SLC25A24: variants seen among roughly 807,000 people sequenced by gnomAD.
The protein encoded by SLC25A24 is solute carrier family 25 member 24.
Under a neutral mutation model 60.7 loss-of-function variants are expected in SLC25A24, and 49 were observed. The observed-to-expected ratio is 0.81, with a 90% CI of 0.64 to 1.02. The LOEUF (loss-of-function observed/expected upper bound fraction) is 1.02, where lower values mean the gene tolerates loss of function less well. Among genes scored for constraint, SLC25A24 ranks in the 50% least tolerant of loss-of-function variants. The pLI is 0.00. For synonymous variants in SLC25A24, 202 were observed against 200.6 expected, an observed-to-expected ratio of 1.01 and a Z score of -0.06; for missense variants, 564 against 586.3, an observed-to-expected ratio of 0.96 and a Z score of 0.39.
chr1:108,188,908 T>C (rs1244286538), intron 1 of SLC25A24, among the ~76,000 whole-genome samples: 1 of 152,166 alleles, frequency 6.6e-6, no homozygotes, highest in African/African-American at 2.4e-5. Flanking sequence ...GTGGTGGAAA[T>C]TTGGGCTGTA....
rs1202903222 is a variant in SLC25A24 at position 108,166,980 on chromosome 1, C to G, written c.399-5687G>C. Among the ~76,000 whole-genome samples the G allele has an allele frequency of 6.6e-5, 10 of 151,320 alleles. 1 individual carries two copies. The highest frequency in any genetic ancestry group is 1.2e-4 in the Non-Finnish European group (8 of 67,660). Reference sequence around the variant, plus strand: ...ACAGATGGGTTTTTGGTGTGGATGTCCTTTCTGTTTGTTAGTTTTCCTTCT... The same window carrying G: ...ACAGATGGGTTTTTGGTGTGGATGTGCTTTCTGTTTGTTAGTTTTCCTTCT... On this transcript the variant is annotated intron_variant, in intron 3 of 9. Coordinates refer to ENST00000565488, the MANE Select transcript of SLC25A24 (RefSeq NM_013386.5).
intron 1 of SLC25A24, among the ~76,000 whole-genome samples, chr1:108,190,528 G>A (rs1648310294): frequency 6.6e-6 from 1 of 152,172 alleles, no homozygotes; most frequent in Admixed American, 6.5e-5. Context: ...TAAATTTTGA[G>A]TCAAAGTTCT....
intron 6 of SLC25A24, among the ~76,000 whole-genome samples, chr1:108,148,799 T>C (rs910416194): frequency 6.6e-5 from 10 of 152,340 alleles, no homozygotes; most frequent in African/African-American, 2.2e-4. Flanking sequence ...CCAAGCCAAC[T>C]AGACAATCCT....
intron 8 of SLC25A24, among the ~76,000 whole-genome samples, chr1:108,140,715 C>T (rs79824950): frequency 1.3e-5 from 2 of 151,272 alleles, no homozygotes; most frequent in South Asian, 2.1e-4. Flanking sequence ...AAATAAGTTG[C>T]TATAACTTTA....
intron 4 of SLC25A24, among the ~76,000 whole-genome samples, chr1:108,158,755 C>A (rs1412137853): frequency 6.7e-6 from 1 of 150,260 alleles, no homozygotes; most frequent in Non-Finnish European, 1.5e-5. Flanking sequence ...GTAATCCCAG[C>A]ACTTTGGGAG....
chr1:108,149,477 C>CA (rs945438266), intron 6 of SLC25A24, among the ~76,000 whole-genome samples: 32 of 151,996 alleles, frequency 2.1e-4, no homozygotes, highest in Non-Finnish European at 1.8e-4. Context: ...GAAAGGATTA[C>CA]AAAAAAATAA....
At chr1:108,167,365 C>T (rs1475816086) in intron 3 of SLC25A24, among the ~76,000 whole-genome samples, 1 of 152,144 alleles carries the variant, frequency 6.6e-6, no homozygotes, top group African/African-American at 2.4e-5. Flanking sequence ...CAAGCCTGGG[C>T]AATGGCGGGT....
In SLC25A24 at chr1:108,147,698, T is replaced by C. The variant is rs146488983; in HGVS notation, c.930+581A>G. ...TCCTGAGATTCCATTATTAAATTTA[T>C]GGTACAGAAACTCTTTGGACAGGAA... On this transcript the variant is annotated intron_variant, in intron 7 of 9. Transcript: ENST00000565488. 3.4e-3 allele frequency among the ~76,000 whole-genome samples: 516 copies of C among 152,336 alleles called. 3 individuals are homozygous for C. The highest frequency in any genetic ancestry group is 3.9e-3 in the Non-Finnish European group (268 of 68,032).
chr1:108,164,991 T>G (rs1475182236), intron 3 of SLC25A24, among the ~76,000 whole-genome samples: 4 of 145,120 alleles, frequency 2.8e-5, no homozygotes, highest in African/African-American at 1.1e-4. Flanking sequence ...TGGTATGTTG[T>G]GTCTTTGTTC....
chr1:108,184,995 T>C (rs1376854370), intron 2 of SLC25A24, among the ~76,000 whole-genome samples: 1 of 152,194 alleles, frequency 6.6e-6, no homozygotes, highest in African/African-American at 2.4e-5. Flanking sequence ...TTCAAGACCC[T>C]ATTTCCAATT....
At chr1:108,150,948 C>T (rs1214482290) in intron 6 of SLC25A24, among the ~76,000 whole-genome samples, 2 of 116,912 alleles carry the variant, frequency 1.7e-5, no homozygotes, top group East Asian at 5.6e-4. Flanking sequence ...CTCCTGCAAT[C>T]CCAGCATTTC....
Position 108,157,330 on chromosome 1 carries a change from CAA to C in SLC25A24, c.669+130_669+131del, listed in dbSNP as rs1040413915. The stretch of plus-strand genomic sequence containing the variant: ...GGACTGAATTTAGAGTTAACAGCAA[CAA>C]AATAGATTTATTTTTTAGGGTATAA... On this transcript the variant is annotated intron_variant, in intron 5 of 9. Coordinates refer to ENST00000565488, the MANE Select transcript of SLC25A24 (RefSeq NM_013386.5). 1.9e-5 allele frequency: 19 copies of C among 992,920 alleles called. No individual in the cohort carries two copies. In the African/African-American group the frequency reaches 2.6e-4, roughly 14 times the overall value. 61.5% of individuals were successfully genotyped at this position (992,920 alleles called of 1,614,324 possible).
At chr1:108,169,470 T>G (rs1018083925) in intron 3 of SLC25A24, among the ~76,000 whole-genome samples, 4 of 152,192 alleles carry the variant, frequency 2.6e-5, no homozygotes, top group Non-Finnish European at 5.9e-5. Flanking sequence ...TATGAATGCA[T>G]TGATTGTGGT....
chr1:108,155,033 C>T lies in SLC25A24; in HGVS notation c.772G>A (p.Val258Ile), dbSNP rs1007343871. The change falls in exon 6 of 10, where the codon GTC becomes ATC. Residue 258 changes from valine to isoleucine, a missense_variant. Transcript: ENST00000565488. Reference protein sequence around the residue: ...RSLWRGNGTNVIKIAPETAVK... With the variant: ...RSLWRGNGTNIIKIAPETAVK... The stretch of plus-strand genomic sequence containing the variant: ...GCTGTCTCAGGAGCAATTTTGATGA[C>T]GTTTGTACCATTTCCCCTCCAAAGC... 3.1e-6 allele frequency: 5 copies of T among 1,612,440 alleles called. No homozygotes were observed. The highest frequency in any genetic ancestry group is 2.7e-5 in the African/African-American group (2 of 74,856).
intron 3 of SLC25A24, among the ~76,000 whole-genome samples, chr1:108,179,946 T>TCAAAA (rs1647854258): frequency 6.6e-6 from 1 of 152,208 alleles, no homozygotes; most frequent in East Asian, 1.9e-4. Context: ...TACATATACT[T>TCAAAA]CAAAACATCA....
intron 2 of SLC25A24, among the ~76,000 whole-genome samples, chr1:108,183,851 A>T (rs1046804690): frequency 6.6e-6 from 1 of 152,212 alleles, no homozygotes; most frequent in African/African-American, 2.4e-5. Context: ...ACTAGCTAGG[A>T]ATGTACATGC....
intron 2 of SLC25A24, among the ~76,000 whole-genome samples, chr1:108,184,249 T>C (rs1648041569): frequency 6.6e-6 from 1 of 152,240 alleles, no homozygotes; most frequent in Admixed American, 6.5e-5. Flanking sequence ...ATCTGGCAAT[T>C]GATCTTAAGG....
At chr1:108,184,693 T>C (rs1648058984) in intron 2 of SLC25A24, among the ~76,000 whole-genome samples, 1 of 152,234 alleles carries the variant, frequency 6.6e-6, no homozygotes, top group South Asian at 2.1e-4. Flanking sequence ...TTCATTTACA[T>C]ATTATCCATG....
chr1:108,198,341 A>G (rs1488409683), intron 1 of SLC25A24, among the ~76,000 whole-genome samples: 1 of 152,218 alleles, frequency 6.6e-6, no homozygotes, highest in Non-Finnish European at 1.5e-5. Flanking sequence ...TGTCAGTCAA[A>G]AGAGTGAAAA....
Sources: allele counts gnomAD v4.1 joint callset (sites outside exome capture counted in the v4.1 genomes callset), GRCh38; gene constraint gnomAD v4.1.1; transcripts MANE v1.5; gene names NCBI Gene and HGNC (gene_info 2026-07-23, HGNC 2026-07-21).